Variants in TXNDC5 observed in about 807,000 individuals in gnomAD.
TXNDC5 encodes thioredoxin domain-containing protein 5.
Under a neutral mutation model 52.6 loss-of-function variants are expected in TXNDC5, and 44 were observed. The ratio of observed to expected loss-of-function variants is 0.84; its 90% confidence interval spans 0.66 to 1.08. The LOEUF is 1.08. TXNDC5 is among the 50% of genes least tolerant of loss of function. The pLI, the probability that TXNDC5 is intolerant of heterozygous loss-of-function variation, is 0.00. For missense variants in TXNDC5, 600 were observed against 565.5 expected (o/e 1.06, Z -0.62); for synonymous variants, 241 against 234.4 (o/e 1.03, Z -0.26).
chr6:7,888,893 T>C (rs985929896), intron 6 of TXNDC5, 45 bp from the exon 7 acceptor site: 2 of 1,551,176 alleles, frequency 1.3e-6, no homozygotes, highest in Non-Finnish European at 1.7e-6. Flanking sequence ...CACTGAGGTG[T>C]TCTGAATCAC....
chr6:7,883,415 G>GT, intron 9 of TXNDC5, 149 bp from the exon 10 acceptor site: 8 of 1,130,684 alleles, frequency 7.1e-6, no homozygotes, highest in Non-Finnish European at 9.9e-6. Flanking sequence ...TAAAACAGGA[G>GT]CAGACTACTG....
At chr6:7,901,000 AT>A (rs1428356194) in intron 2 of TXNDC5, among the ~76,000 whole-genome samples, 2 of 152,178 alleles carry the variant, frequency 1.3e-5, no homozygotes, top group African/African-American at 2.4e-5. Context: ...ACATGGCTAG[AT>A]TAGGCTTTGA....
intron 2 of TXNDC5, among the ~76,000 whole-genome samples, chr6:7,901,192 C>T (rs895134833): frequency 2.6e-5 from 4 of 152,166 alleles, no homozygotes; most frequent in Admixed American, 6.5e-5. Context: ...GGCTACGTCA[C>T]GAAGTTCAAC....
intron 6 of TXNDC5, chr6:7,889,059 C>T: frequency 1.7e-6 from 1 of 580,118 alleles, no homozygotes; most frequent in South Asian, 3.0e-5. Flanking sequence ...CCTCTTCCCT[C>T]CACGGGGTTA....
chr6:7,881,819 G>A lies in TXNDC5; in HGVS notation c.*1325C>T, dbSNP rs1280850634. 1.3e-5 allele frequency: 2 copies of A among 152,188 alleles called. No individual in the cohort carries two copies. The highest frequency in any genetic ancestry group is 2.4e-5 in the African/African-American group (1 of 41,446). The allele number at this position is 152,188 out of a possible 1,614,324, so 9.4% of individuals were successfully genotyped here. A position where few individuals can be genotyped will look rare whatever the true frequency, so the allele number is the denominator to read the frequency against. On this transcript the variant is annotated 3_prime_UTR_variant, in exon 10 of 10. Transcript: ENST00000379757. ...AAGATTCCTACCACCAGTTACTTTG[G>A]GCCAAGTATCCACATCCCCTTGCGT...
intron 8 of TXNDC5, among the ~76,000 whole-genome samples, chr6:7,884,841 T>TTC (rs1472454028): frequency 6.6e-6 from 1 of 152,206 alleles, no homozygotes; most frequent in African/African-American, 2.4e-5. Context: ...GCCACACAAT[T>TTC]TCTAAAAGGT....
chr6:7,883,685 G>T (rs1434307392), intron 9 of TXNDC5, among the ~76,000 whole-genome samples: 3 of 152,162 alleles, frequency 2.0e-5, no homozygotes, highest in Non-Finnish European at 4.4e-5. Context: ...GAGGATACAT[G>T]TTTCAGTGGC....
In TXNDC5 at chr6:7,887,791, C is replaced by G. The variant is rs114428838; in HGVS notation, c.963+914G>C. On this transcript the variant is annotated intron_variant, in intron 7 of 9. Coordinates refer to ENST00000379757, the MANE Select transcript of TXNDC5 (RefSeq NM_030810.5). ...CAGGGATCCTACACCACACCCTGAC[C>G]TGTCTCCCACTGTGTTCCCCCAGCC... is the stretch of plus-strand genomic sequence containing the variant. Among the ~76,000 whole-genome samples the G allele has an allele frequency of 3.6e-3, 548 of 152,280 alleles. 2 individuals are homozygous for G. The highest frequency in any genetic ancestry group is 0.012 in the African/African-American group (518 of 41,558).
chr6:7,888,985 T>TA, intron 6 of TXNDC5, 137 bp from the exon 7 acceptor site: 7 of 1,139,036 alleles, frequency 6.1e-6, no homozygotes, highest in Non-Finnish European at 7.3e-6. Context: ...CATGTTCATA[T>TA]TTAGACGGGA....
At chr6:7,893,204 G>A (rs551592692) in intron 4 of TXNDC5, among the ~76,000 whole-genome samples, 4 of 152,336 alleles carry the variant, frequency 2.6e-5, no homozygotes, top group South Asian at 2.1e-4. Flanking sequence ...GGCTGTGGCC[G>A]GGGAGAGAAC....
intron 3 of TXNDC5, 102 bp from the exon 4 acceptor site, chr6:7,895,304 C>T: frequency 2.0e-6 from 2 of 990,318 alleles, no homozygotes; most frequent in Non-Finnish European, 3.0e-6. Flanking sequence ...CAGATGCCTC[C>T]CTCACCCAAC....
intron 7 of TXNDC5, 59 bp from the exon 8 acceptor site, chr6:7,886,102 G>T (rs947199319): frequency 6.8e-7 from 1 of 1,474,754 alleles, no homozygotes; most frequent in Non-Finnish European, 9.4e-7. Context: ...GCAGGGCCAT[G>T]CTTTGGGATT....
At chr6:7,899,702 T>C (rs376745532) in intron 2 of TXNDC5, 21 bp from the exon 3 acceptor site, 6 of 1,592,798 alleles carry the variant, frequency 3.8e-6, no homozygotes, top group Non-Finnish European at 4.3e-6. Context: ...AACAAAGGAT[T>C]AGACAGAGCA....
chr6:7,893,404 G>A (rs1237644782), intron 4 of TXNDC5, among the ~76,000 whole-genome samples: 1 of 152,280 alleles, frequency 6.6e-6, no homozygotes, highest in East Asian at 1.9e-4. Flanking sequence ...ATCCTGCACT[G>A]TAAGGTGGAG....
rs776224289 is a variant in TXNDC5, at chr6:7,883,220, A to C, written c.1223T>G (p.Val408Gly). 1.9e-6 allele frequency: 3 copies of C among 1,614,164 alleles called. No individual in the cohort carries two copies. The highest frequency in any genetic ancestry group is 2.2e-5 in the South Asian group (2 of 91,078). ...GTCTCTGCCTCCACTGTGCTCACTG[A>C]CTTTCTTCCCTCCTCGGAAAAGCAA... is the stretch of plus-strand genomic sequence containing the variant. Reference protein sequence around the residue: ...TLLLFRGGKKVSEHSGGRDLD... With the variant: ...TLLLFRGGKKGSEHSGGRDLD... Residue 408 changes from valine to glycine, a missense_variant, in exon 10 of 10, where the codon GTC becomes GGC. Val to Gly is a moderately radical substitution (Grantham distance 109). Coordinates refer to ENST00000379757, the MANE Select transcript of TXNDC5 (RefSeq NM_030810.5).
intron 5 of TXNDC5, 147 bp from the exon 6 acceptor site, chr6:7,889,728 G>A (rs758257233): frequency 8.1e-6 from 5 of 619,810 alleles, no homozygotes; most frequent in African/African-American, 1.8e-5. Flanking sequence ...AGTTTTTGAA[G>A]AGAATGTTCC....
intron 1 of TXNDC5, among the ~76,000 whole-genome samples, chr6:7,908,553 G>A (rs1760810657): frequency 6.6e-6 from 1 of 151,944 alleles, no homozygotes; most frequent in Non-Finnish European, 1.5e-5. Flanking sequence ...GGGATGCGAT[G>A]GCTCATGCCT....
intron 6 of TXNDC5, 61 bp from the exon 7 acceptor site, chr6:7,888,909 C>A: frequency 1.3e-6 from 2 of 1,526,120 alleles, no homozygotes; most frequent in South Asian, 1.3e-5. Flanking sequence ...ATCACTTAAG[C>A]CTTCCTGCAA....
chr6:7,909,514 C>A (rs932632917), intron 1 of TXNDC5, among the ~76,000 whole-genome samples: 2 of 152,180 alleles, frequency 1.3e-5, no homozygotes, highest in African/African-American at 4.8e-5. Context: ...GAGGCCCACA[C>A]CAAAGCCTCG....
Sources: gnomAD v4.1 joint callset for allele counts (sites outside exome capture counted in the v4.1 genomes callset) on GRCh38, gnomAD v4.1.1 for gene constraint, MANE v1.5 for transcripts, NCBI Gene and HGNC (gene_info 2026-07-23, HGNC 2026-07-21) for gene names.